DOK5: variants seen among roughly 807,000 people sequenced by gnomAD.
The protein encoded by DOK5 is docking protein 5, also known as downstream of tyrosine kinase 5.
A neutral mutation model predicts 43.3 loss-of-function variants in DOK5; 27 were observed. That is an observed-to-expected ratio of 0.62 (90% CI 0.46 to 0.86). The LOEUF is 0.86. Ranked by LOEUF, DOK5 falls within the 40% of genes least tolerant of loss-of-function variation. The pLI is 0.00. For synonymous variants in DOK5, 146 were observed against 140.1 expected (o/e 1.04, Z -0.30); for missense variants, 373 against 392.9 (o/e 0.95, Z 0.43).
intron 1 of DOK5, among the ~76,000 whole-genome samples, chr20:54,492,994 G>A (rs1982249498): frequency 6.8e-6 from 1 of 147,660 alleles, no homozygotes; most frequent in South Asian, 2.2e-4. Context: ...GGCGGAGGTT[G>A]CAGTGAGCTG....
intron 2 of DOK5, among the ~76,000 whole-genome samples, chr20:54,581,791 A>G (rs74568800): frequency 0.09 from 13,683 of 151,798 alleles, 1,839 homozygotes; most frequent in African/African-American, 0.3. Context: ...TTGTGTGTAG[A>G]TAGAATCTTT....
At chr20:54,504,206 T>A (rs888853636) in intron 1 of DOK5, among the ~76,000 whole-genome samples, 5 of 152,188 alleles carry the variant, frequency 3.3e-5, no homozygotes, top group African/African-American at 1.2e-4. Context: ...CCTTCCCACA[T>A]CCTACAATAA....
chr20:54,518,841 C>T (rs1983292515), intron 1 of DOK5, among the ~76,000 whole-genome samples: 1 of 152,010 alleles, frequency 6.6e-6, no homozygotes, highest in Non-Finnish European at 1.5e-5. Context: ...CTACAATGAA[C>T]TCAAACAAAT....
intron 1 of DOK5, among the ~76,000 whole-genome samples, chr20:54,492,204 C>T (rs1018902702): frequency 6.6e-6 from 1 of 152,088 alleles, no homozygotes; most frequent in African/African-American, 2.4e-5. Context: ...ACTGGTCTCA[C>T]TTCCTGGGGT....
chr20:54,568,453 G>C (rs1209714053), intron 2 of DOK5, among the ~76,000 whole-genome samples: 1 of 152,230 alleles, frequency 6.6e-6, no homozygotes, highest in African/African-American at 2.4e-5. Flanking sequence ...AAGTTTGTCA[G>C]ATAGTTTTTC....
At chr20:54,533,907 A>T (rs960648107) in intron 1 of DOK5, among the ~76,000 whole-genome samples, 2 of 152,088 alleles carry the variant, frequency 1.3e-5, no homozygotes, top group Non-Finnish European at 2.9e-5. Flanking sequence ...AATGCTGATC[A>T]TTTTTTTCAG....
chr20:54,556,586 A>G (rs967212848), intron 2 of DOK5, among the ~76,000 whole-genome samples: 3 of 152,324 alleles, frequency 2.0e-5, no homozygotes, highest in African/African-American at 7.2e-5. Flanking sequence ...ATGGCGAGCA[A>G]TGCTATAAGG....
chr20:54,547,593 C>A (rs991034179), intron 1 of DOK5, among the ~76,000 whole-genome samples: 12 of 151,992 alleles, frequency 7.9e-5, no homozygotes, highest in African/African-American at 2.4e-4. Flanking sequence ...GATTTTAAAC[C>A]AGGGCTAAGC....
chr20:54,588,942 C>T (rs1985898108), intron 4 of DOK5, 136 bp downstream of exon 4: 1 of 889,718 alleles, frequency 1.1e-6, no homozygotes, highest in South Asian at 2.2e-5. Flanking sequence ...TTTATCTAAT[C>T]CACAACCTGT....
At chr20:54,492,880 C>G (rs907021028) in intron 1 of DOK5, among the ~76,000 whole-genome samples, 7 of 151,740 alleles carry the variant, frequency 4.6e-5, no homozygotes, top group Non-Finnish European at 5.9e-5. Context: ...ATAGTGAAAC[C>G]CTGTCTCTAC....
At chr20:54,507,532 C>T (rs944088828) in intron 1 of DOK5, among the ~76,000 whole-genome samples, 3 of 152,208 alleles carry the variant, frequency 2.0e-5, no homozygotes. Flanking sequence ...CCCTGTGGCA[C>T]AATTCTTTTC....
At chr20:54,524,319 G>A (rs778955492) in intron 1 of DOK5, among the ~76,000 whole-genome samples, 7 of 152,258 alleles carry the variant, frequency 4.6e-5, no homozygotes, top group Non-Finnish European at 1.0e-4. Context: ...CAGAATCAGC[G>A]TGGTTCACTT....
rs576948131 is a variant in DOK5 at position 54,556,737 on chromosome 20, A to G, written c.174+1697A>G. 5.4e-4 allele frequency among the ~76,000 whole-genome samples: 82 copies of G among 152,332 alleles called. 2 individuals carry two copies. Among genetic ancestry groups the G allele is most frequent in the Middle Eastern group, 6.8e-3 (2 of 294 alleles). On this transcript the variant is annotated intron_variant, in intron 2 of 7. Coordinates refer to ENST00000262593, the MANE Select transcript of DOK5 (RefSeq NM_018431.5). Reference sequence around the variant, plus strand: ...TAGTTACACATCAGGTCTTCTCTTGAGAACCTTAGCCGGTCTGTAACTTTG... The same window carrying G: ...TAGTTACACATCAGGTCTTCTCTTGGGAACCTTAGCCGGTCTGTAACTTTG...
At chr20:54,476,535 C>A (rs4811507) in intron 1 of DOK5, among the ~76,000 whole-genome samples, 103,899 of 152,052 alleles carry the variant, frequency 0.68, 39,880 homozygotes, top group East Asian at 0.97. Context: ...GGTGTCGTGT[C>A]AAAGGCGGTG....
intron 5 of DOK5, among the ~76,000 whole-genome samples, chr20:54,594,526 G>A (rs528675116): frequency 3.9e-4 from 48 of 123,110 alleles, no homozygotes; most frequent in South Asian, 2.5e-3. Context: ...TCTAAGTATT[G>A]AAAATGTTTT....
At chr20:54,643,413 G>A (rs374140574) in intron 6 of DOK5, 45 bp from the exon 7 acceptor site, 5 of 1,605,232 alleles carry the variant, frequency 3.1e-6, no homozygotes, top group South Asian at 1.1e-5. Flanking sequence ...GGCCACTTTC[G>A]GCCCCAGTGT....
At chr20:54,540,658 A>G (rs1413678682) in intron 1 of DOK5, among the ~76,000 whole-genome samples, 1 of 152,056 alleles carries the variant, frequency 6.6e-6, no homozygotes, top group East Asian at 1.9e-4. Context: ...CTGGGACCAC[A>G]GGGGTGCACC....
chr20:54,573,395 T>G (rs529097311), intron 2 of DOK5, among the ~76,000 whole-genome samples: 3 of 152,028 alleles, frequency 2.0e-5, no homozygotes, highest in African/African-American at 7.2e-5. Context: ...GCTTTTAAGA[T>G]AATAAAGTTA....
chr20:54,637,955 T>A (rs1229758206), intron 6 of DOK5, among the ~76,000 whole-genome samples: 4 of 152,086 alleles, frequency 2.6e-5, no homozygotes, highest in Admixed American at 2.0e-4. Context: ...ACCCCGTCTC[T>A]ACTAAAAATA....
Sources: gnomAD v4.1 joint callset for allele counts (sites outside exome capture counted in the v4.1 genomes callset) on GRCh38, gnomAD v4.1.1 for gene constraint, MANE v1.5 for transcripts, NCBI Gene and HGNC (gene_info 2026-07-23, HGNC 2026-07-21) for gene names.